Variants in SETD3 observed in about 807,000 individuals in gnomAD.
The protein encoded by SETD3 is SET domain containing 3, actin N3(tau)-histidine methyltransferase.
In SETD3, 19 loss-of-function variants were observed where a neutral mutation model predicts 63.0. The ratio of observed to expected loss-of-function variants is 0.30; its 90% CI spans 0.21 to 0.44. The LOEUF (loss-of-function observed/expected upper bound fraction) is 0.44, where lower values mean the gene tolerates loss of function less well. SETD3 is among the 20% of genes least tolerant of loss of function. The pLI, the probability that SETD3 is intolerant of heterozygous loss-of-function variation, is 1.00. For missense variants in SETD3, 587 were observed against 728.5 expected (o/e 0.81, Z 2.24); for synonymous variants, 286 against 264.1 (o/e 1.08, Z -0.80).
intron 8 of SETD3, chr14:99,410,136 A>G (rs1427675940): frequency 2.0e-6 from 3 of 1,526,686 alleles, no homozygotes; most frequent in Non-Finnish European, 2.7e-6. Flanking sequence ...GAGGAGGTCT[A>G]TGAGTGAGTC....
intron 6 of SETD3, among the ~76,000 whole-genome samples, chr14:99,453,962 T>A (rs1011890725): frequency 1.3e-5 from 2 of 152,192 alleles, no homozygotes; most frequent in Admixed American, 1.3e-4. Context: ...GCCCACGTGG[T>A]CAGCTTCATG....
intron 1 of SETD3, among the ~76,000 whole-genome samples, chr14:99,469,864 C>T (rs117767299): frequency 4.7e-4 from 72 of 152,346 alleles, no homozygotes; most frequent in East Asian, 3.1e-3. Context: ...GCAGTCCTGA[C>T]GAACCCTTTC....
chr14:99,477,837 TGA>T lies in SETD3; in HGVS notation c.-9+2889_-9+2890del, dbSNP rs145292825. Among the ~76,000 whole-genome samples, 602 of 151,816 alleles carry T rather than the reference TGA, an allele frequency of 4.0e-3. 11 individuals carry two copies. The East Asian group carries it at 0.074, about 19-fold the overall frequency. On this transcript the variant is annotated intron_variant, in intron 1 of 12. Transcript: ENST00000331768. The stretch of plus-strand genomic sequence containing the variant: ...ATATTTTGATAGAAATTTTTTACCT[TGA>T]GAGTAAATATTATGTAAATTAATTC...
chr14:99,404,350 G>GT (rs763398841), intron 10 of SETD3, 40 bp from the exon 11 acceptor site: 2 of 1,572,598 alleles, frequency 1.3e-6, no homozygotes, highest in African/African-American at 2.7e-5. Context: ...CCCTGCTGCG[G>GT]TTACCCACTT....
At chr14:99,430,961 C>T (rs527969605) in intron 6 of SETD3, among the ~76,000 whole-genome samples, 1 of 152,328 alleles carries the variant, frequency 6.6e-6, no homozygotes, top group East Asian at 1.9e-4. Context: ...CACTGAGTGC[C>T]TACTGTGTGC....
chr14:99,425,208 G>A (rs150159560), intron 6 of SETD3, among the ~76,000 whole-genome samples: 1 of 152,312 alleles, frequency 6.6e-6, no homozygotes, highest in Non-Finnish European at 1.5e-5. Context: ...CAGGTTTGCT[G>A]AACTAAGGAG....
upstream of SETD3, among the ~76,000 whole-genome samples, chr14:99,481,835 C>T (rs1247541781): frequency 6.6e-6 from 1 of 152,224 alleles, no homozygotes; most frequent in Non-Finnish European, 1.5e-5. Flanking sequence ...TCATATCTCC[C>T]CGATTATTTC....
chr14:99,465,125 G>C (rs189587497), intron 2 of SETD3, among the ~76,000 whole-genome samples: 1 of 152,104 alleles, frequency 6.6e-6, no homozygotes, highest in Non-Finnish European at 1.5e-5. Context: ...GAGAGAGCGG[G>C]ACCCTGTTTA....
At chr14:99,404,772 T>G (rs1237062600) in intron 10 of SETD3, among the ~76,000 whole-genome samples, 1 of 152,250 alleles carries the variant, frequency 6.6e-6, no homozygotes, top group East Asian at 1.9e-4. Context: ...CTGTCTTCTT[T>G]ATCATTTTAT....
At position 99,398,679 on chromosome 14, in the gene SETD3, CTACTCCT is replaced by C. The variant is rs1352501128; in HGVS notation, c.1778_1784del (p.Lys593SerfsTer4). 1 of 1,611,600 alleles carries C rather than the reference CTACTCCT, an allele frequency of 6.2e-7. No individual in the cohort carries two copies. Among genetic ancestry groups the C allele is most frequent in the Non-Finnish European group, 8.5e-7 (1 of 1,178,138 alleles). ...ATCCCCCATCCAGCTTCACCTCGAG[CTACTCCT>C]TAACTCCAGCAGTGCTGTCTGAAGA... On this transcript the variant is annotated frameshift_variant and stop_lost, in exon 13 of 13. Transcript: ENST00000331768. LOFTEE classifies it high-confidence loss of function.
chr14:99,430,121 C>T (rs1016390319), intron 6 of SETD3, among the ~76,000 whole-genome samples: 1 of 152,204 alleles, frequency 6.6e-6, no homozygotes, highest in African/African-American at 2.4e-5. Flanking sequence ...CTTATGCTCA[C>T]TCGAGTTGAA....
At chr14:99,415,403 T>C (rs540122483) in intron 6 of SETD3, among the ~76,000 whole-genome samples, 13 of 152,320 alleles carry the variant, frequency 8.5e-5, no homozygotes, top group African/African-American at 3.1e-4. Context: ...AAATGCTAAA[T>C]CTAAAAATAA....
chr14:99,464,337 TCTA>T (rs768266917), intron 2 of SETD3, among the ~76,000 whole-genome samples: 1 of 152,220 alleles, frequency 6.6e-6, no homozygotes, highest in Non-Finnish European at 1.5e-5. Flanking sequence ...CCCTTTGCTC[TCTA>T]TTAAAAGAGT....
chr14:99,400,934 G>A (rs565240182), intron 11 of SETD3, among the ~76,000 whole-genome samples: 5 of 152,268 alleles, frequency 3.3e-5, no homozygotes, highest in South Asian at 2.1e-4. Flanking sequence ...GAGCCCAGGC[G>A]TTTGAGACCA....
chr14:99,417,698 T>C (rs1418173414), intron 6 of SETD3, among the ~76,000 whole-genome samples: 1 of 152,264 alleles, frequency 6.6e-6, no homozygotes, highest in African/African-American at 2.4e-5. Context: ...AAACATCTAG[T>C]ACGTGAAACA....
At chr14:99,442,704 G>A (rs1893894818) in intron 6 of SETD3, among the ~76,000 whole-genome samples, 1 of 152,226 alleles carries the variant, frequency 6.6e-6, no homozygotes, top group South Asian at 2.1e-4. Context: ...ACATTTAGCA[G>A]ACAACATATG....
Position 99,413,976 on chromosome 14 carries a change from A to G in SETD3, c.676-42T>C, listed in dbSNP as rs754950103. 3.5e-5 allele frequency: 54 copies of G among 1,556,698 alleles called. 1 individual carries two copies. In the African/African-American group the frequency reaches 6.6e-4, roughly 19 times the overall value. ...TTAGAAAGCAGAGGTGAAAAGAGAAAAAGGGAAAACAGAAATCAGTCAGCA... is the reference window on the plus strand; with the variant it reads ...TTAGAAAGCAGAGGTGAAAAGAGAAGAAGGGAAAACAGAAATCAGTCAGCA... On this transcript the variant is annotated intron_variant, in intron 6 of 12. Transcript: ENST00000331768.
At chr14:99,461,722 A>G (rs1895073882) in intron 3 of SETD3, among the ~76,000 whole-genome samples, 1 of 152,244 alleles carries the variant, frequency 6.6e-6, no homozygotes, top group African/African-American at 2.4e-5. Context: ...TTGCTTTAAC[A>G]AAATTTCCAT....
intron 6 of SETD3, among the ~76,000 whole-genome samples, chr14:99,441,927 G>T (rs1038012204): frequency 1.3e-5 from 2 of 152,240 alleles, no homozygotes; most frequent in African/African-American, 4.8e-5. Flanking sequence ...CCAGGACTGG[G>T]TGATGGAGTC....
Sources: gnomAD v4.1 joint callset for allele counts (sites outside exome capture counted in the v4.1 genomes callset) on GRCh38, gnomAD v4.1.1 for gene constraint, MANE v1.5 for transcripts, NCBI Gene and HGNC (gene_info 2026-07-23, HGNC 2026-07-21) for gene names.